The following TTC34 variants were observed in gnomAD, a reference collection of about 807,000 sequenced individuals.
TTC34 encodes the protein tetratricopeptide repeat domain 34, also known as tetratricopeptide repeat protein 34.
A neutral mutation model predicts 40.7 loss-of-function variants in TTC34; 44 were observed. The observed-to-expected ratio is 1.08, with a 90% CI of 0.85 to 1.39. The LOEUF is 1.39. TTC34 is among the 40% of genes most tolerant of loss of function. The probability of loss-of-function intolerance (pLI) is 0.00; values close to 1 mark genes in which losing one functional copy is unlikely to be tolerated. For missense variants in TTC34, 884 were observed against 838.0 expected (o/e 1.05, Z -0.68); for synonymous variants, 422 against 398.6 (o/e 1.06, Z -0.70).
At chr1:2,646,249 A>G (rs1035462957) in intron 6 of TTC34, among the ~76,000 whole-genome samples, 1 of 152,220 alleles carries the variant, frequency 6.6e-6, no homozygotes, top group African/African-American at 2.4e-5. Context: ...CAGTCTATGT[A>G]CAGTTAATAT....
intron 6 of TTC34, among the ~76,000 whole-genome samples, chr1:2,656,373 CA>C (rs1639346664): frequency 1.1e-3 from 2 of 1,794 alleles, no homozygotes; most frequent in Admixed American, 6.4e-3. Flanking sequence ...ACAGCACCCA[CA>C]CCCACAGGTG....
At chr1:2,643,904 C>A (rs866824779) in intron 8 of TTC34, among the ~76,000 whole-genome samples, 1 of 152,256 alleles carries the variant, frequency 6.6e-6, no homozygotes, top group African/African-American at 2.4e-5. Flanking sequence ...GCCTTGTCCC[C>A]ACGTGCCTTC....
intron 6 of TTC34, among the ~76,000 whole-genome samples, chr1:2,685,873 C>G (rs558186157): frequency 8.6e-6 from 1 of 116,656 alleles, no homozygotes; most frequent in Non-Finnish European, 1.8e-5. Context: ...GGAACAGCAC[C>G]CTGCACCCCC....
rs1299385485 is a variant in TTC34, at chr1:2,685,801, C to A, written c.2227-40238G>T. Among the ~76,000 whole-genome samples, 6 of 151,630 alleles carry A rather than the reference C, an allele frequency of 4.0e-5. No individual in the cohort carries two copies. The South Asian group carries it at 6.2e-4, about 16-fold the overall frequency. On this transcript the variant is annotated intron_variant, in intron 6 of 8. Coordinates refer to ENST00000401095, the Ensembl canonical transcript of TTC34. ...ACAGCCTGGAACAGAACCCACACCC[C>A]CAGGTGAGCATCTGACAGACTGGAA...
intron 6 of TTC34, among the ~76,000 whole-genome samples, chr1:2,683,129 C>A (rs1448958575): frequency 7.6e-6 from 1 of 130,800 alleles, no homozygotes; most frequent in Non-Finnish European, 1.7e-5. Flanking sequence ...GAGCATTTGA[C>A]AGCCTGGAAC....
chr1:2,644,315 G>C, exon 8 of TTC34: 1 of 1,535,730 alleles, frequency 6.5e-7, no homozygotes, highest in Non-Finnish European at 8.7e-7. Flanking sequence ...GCAGGCAGCT[G>C]AGATCCGGGG....
intron 6 of TTC34, among the ~76,000 whole-genome samples, chr1:2,760,565 A>C (rs1305838694): frequency 0.026 from 178 of 6,900 alleles, no homozygotes; most frequent in Non-Finnish European, 0.03. Flanking sequence ...GCACCCACAC[A>C]CCCAGGTCAG....
chr1:2,657,406 G>A (rs1450994676), intron 6 of TTC34, among the ~76,000 whole-genome samples: 1 of 90,584 alleles, frequency 1.1e-5, no homozygotes, highest in Non-Finnish European at 2.8e-5. Context: ...TGACCTCCCG[G>A]AGCAGTACCA....
exon 4 of TTC34, chr1:2,787,576 G>T (rs757895008): frequency 6.5e-7 from 1 of 1,548,086 alleles, no homozygotes. Flanking sequence ...AGGGCCACCA[G>T]CAGGGCCTTG....
chr1:2,660,753 C>G (rs61761398), intron 6 of TTC34, among the ~76,000 whole-genome samples: 21 of 592 alleles, frequency 0.035, 5 homozygotes, highest in South Asian at 0.1. Context: ...ACCCCACACC[C>G]ACAGGTGAGC....
chr1:2,753,589 A>T (rs1199855346), intron 6 of TTC34, among the ~76,000 whole-genome samples: 14 of 99,154 alleles, frequency 1.4e-4, no homozygotes, highest in African/African-American at 6.0e-5. Context: ...CCAGGTGAGC[A>T]TCTGACATCG....
chr1:2,690,771 GC>G, intron 6 of TTC34, among the ~76,000 whole-genome samples: 1 of 74,286 alleles, frequency 1.3e-5, no homozygotes, highest in Non-Finnish European at 3.1e-5. Flanking sequence ...GCCTGGAACA[GC>G]AACCACACCA....
chr1:2,650,545 C>T (rs948821175), intron 6 of TTC34, among the ~76,000 whole-genome samples: 1 of 151,926 alleles, frequency 6.6e-6, no homozygotes, highest in African/African-American at 2.4e-5. Flanking sequence ...ACCCTCCACC[C>T]CCAGGGGATC....
intron 6 of TTC34, among the ~76,000 whole-genome samples, chr1:2,768,344 C>T (rs1258145180): frequency 6.6e-6 from 1 of 152,050 alleles, no homozygotes; most frequent in African/African-American, 2.4e-5. Context: ...TTATCAGATG[C>T]TCACCTGGGG....
At chr1:2,686,679 G>GCA (rs1640366729) in intron 6 of TTC34, among the ~76,000 whole-genome samples, 1 of 99,130 alleles carries the variant, frequency 1.0e-5, no homozygotes, top group Non-Finnish European at 2.0e-5. Flanking sequence ...ACAGCACCCT[G>GCA]CACCCCCAGG....
chr1:2,768,703 C>A (rs1569750302), intron 6 of TTC34, among the ~76,000 whole-genome samples: 2 of 148,900 alleles, frequency 1.3e-5, no homozygotes, highest in Non-Finnish European at 3.0e-5. Flanking sequence ...ACCACTGCCC[C>A]CAGGTGAGCA....
At position 2,762,079 on chromosome 1, in the gene TTC34, C is replaced by A. The variant is rs1641697476; in HGVS notation, c.2226+21530G>T. Among the ~76,000 whole-genome samples, 2 of 63,080 alleles carry A rather than the reference C, an allele frequency of 3.2e-5. 1 individual carries two copies. The highest frequency in any genetic ancestry group is 3.0e-4 in the Admixed American group (2 of 6,678). 41.4% of individuals were successfully genotyped at this position (63,080 alleles called of 152,430 possible). A position where few individuals can be genotyped will look rare whatever the true frequency, so the allele number is the denominator to read the frequency against. ...CGGGCGAGCATCTGACAGCCTGGAG[C>A]AGCACACACAACCCCAGGCGAGCAT... On this transcript the variant is annotated intron_variant, in intron 6 of 8. Transcript: ENST00000401095.
intron 6 of TTC34, among the ~76,000 whole-genome samples, chr1:2,654,050 CA>C (rs1570757789): frequency 6.7e-6 from 1 of 149,636 alleles, no homozygotes. Context: ...GTGCCCACAC[CA>C]CCAGGTGAGC....
chr1:2,798,825 A>C (rs552578707), intron 2 of TTC34, among the ~76,000 whole-genome samples: 586 of 7,606 alleles, frequency 0.077, no homozygotes, highest in Middle Eastern at 0.17. Flanking sequence ...CTCCCAGCCC[A>C]CCAGCCTCCC....
Sources: gnomAD v4.1 joint callset for allele counts (sites outside exome capture counted in the v4.1 genomes callset) on GRCh38, gnomAD v4.1.1 for gene constraint, MANE v1.5 for transcripts, NCBI Gene and HGNC (gene_info 2026-07-23, HGNC 2026-07-21) for gene names.